ADK: variants seen among roughly 807,000 people sequenced by gnomAD.
ADK encodes the protein adenosine kinase, also known as N6,N6-dimethyladenosine kinase.
A neutral mutation model predicts 44.7 loss-of-function variants in ADK; 24 were observed. That is an observed-to-expected ratio of 0.54 (90% CI 0.39 to 0.76). The LOEUF is 0.76. Among genes scored for constraint, ADK ranks in the 30% least tolerant of loss-of-function variants. The pLI, the probability that ADK is intolerant of heterozygous loss-of-function variation, is 0.00. For missense variants in ADK, 321 were observed against 425.1 expected (o/e 0.76, Z 2.15); for synonymous variants, 128 against 142.6 (o/e 0.90, Z 0.73).
intron 4 of ADK, among the ~76,000 whole-genome samples, chr10:74,374,607 T>C (rs1842763943): frequency 1.3e-5 from 2 of 152,154 alleles, no homozygotes. Context: ...ATTATCTTTC[T>C]GAAATACAGA....
intron 3 of ADK, among the ~76,000 whole-genome samples, chr10:74,242,504 G>A (rs1208421437): frequency 8.3e-6 from 1 of 120,600 alleles, no homozygotes; most frequent in Non-Finnish European, 1.7e-5. Flanking sequence ...TAGGAAATAT[G>A]CAACCTTTTT....
chr10:74,651,109 G>T (rs1427118628), intron 9 of ADK, among the ~76,000 whole-genome samples: 1 of 152,162 alleles, frequency 6.6e-6, no homozygotes, highest in East Asian at 1.9e-4. Context: ...GGAAATGGAG[G>T]CATCAGCTAG....
chr10:74,224,489 T>C, intron 2 of ADK, 49 bp from the exon 3 acceptor site: 1 of 1,485,734 alleles, frequency 6.7e-7, no homozygotes, highest in Non-Finnish European at 9.4e-7. Context: ...CTAACTTACG[T>C]TGACACTGTG....
At chr10:74,205,225 T>C (rs911566451) in intron 2 of ADK, among the ~76,000 whole-genome samples, 2 of 152,118 alleles carry the variant, frequency 1.3e-5, no homozygotes, top group Middle Eastern at 3.2e-3. Context: ...TTAAGGTTGA[T>C]GTTTTCATTC....
At chr10:74,392,830 C>T (rs1843383057) in intron 4 of ADK, among the ~76,000 whole-genome samples, 1 of 151,880 alleles carries the variant, frequency 6.6e-6, no homozygotes, top group African/African-American at 2.4e-5. Flanking sequence ...AACAAAATAT[C>T]CTGGAAATTA....
At chr10:74,481,533 A>T (rs893930401) in intron 6 of ADK, among the ~76,000 whole-genome samples, 2 of 151,988 alleles carry the variant, frequency 1.3e-5, no homozygotes, top group Non-Finnish European at 2.9e-5. Flanking sequence ...GTGTTTCACC[A>T]TCTGTTAATA....
Position 74,394,259 on chromosome 10 carries a change from A to C in ADK, c.392A>C (p.Glu131Ala). ...AEAHVDAHYY[E>A]QNEQPTGTCA... Reference sequence around the variant, plus strand: ...GCCCATGTGGATGCTCATTACTACGAGCAGAATGAGCAGCCAACAGGAACT... The same window carrying C: ...GCCCATGTGGATGCTCATTACTACGCGCAGAATGAGCAGCCAACAGGAACT... Residue 131 changes from glutamate to alanine, a missense_variant, in exon 5 of 11, where the codon GAG (glutamate) becomes GCG (alanine). Glu to Ala is a moderately radical substitution (Grantham distance 107). Transcript: ENST00000539909. The C allele has an allele frequency of 6.2e-7, 1 of 1,614,066 alleles. No homozygotes were observed. Among genetic ancestry groups the C allele is most frequent in the Non-Finnish European group, 8.5e-7 (1 of 1,179,936 alleles).
chr10:74,391,063 G>A (rs139034316), intron 4 of ADK, among the ~76,000 whole-genome samples: 326 of 152,016 alleles, frequency 2.1e-3, no homozygotes, highest in Non-Finnish European at 2.9e-3. Flanking sequence ...CCTACAATAC[G>A]CACAAAATAG....
rs547712332 is a variant in ADK at position 74,467,413 on chromosome 10, A to C, written c.556-57843A>C. 3.3e-5 allele frequency among the ~76,000 whole-genome samples: 5 copies of C among 152,282 alleles called. No homozygotes were observed. The South Asian group carries it at 1.0e-3, about 32-fold the overall frequency. ...AAAGCCACCACATATGTTAACGTGA[A>C]GTTATAGATTATTTATATCTCCAGG... On this transcript the variant is annotated intron_variant, in intron 6 of 10. Transcript: ENST00000539909.
At chr10:74,676,474 A>T (rs925679063) in intron 10 of ADK, among the ~76,000 whole-genome samples, 2 of 151,874 alleles carry the variant, frequency 1.3e-5, no homozygotes, top group African/African-American at 4.8e-5. Flanking sequence ...GTGCTGACTC[A>T]TAATACTTTT....
intron 4 of ADK, among the ~76,000 whole-genome samples, chr10:74,357,796 A>G (rs115016576): frequency 0.013 from 1,943 of 152,320 alleles, 46 homozygotes; most frequent in African/African-American, 0.044. Flanking sequence ...TCTGTGATCA[A>G]TGAGCAGTCT....
intron 1 of ADK, among the ~76,000 whole-genome samples, chr10:74,174,829 T>C (rs1048405165): frequency 3.3e-5 from 5 of 152,256 alleles, no homozygotes; most frequent in Non-Finnish European, 7.3e-5. Context: ...GGCTTCATTC[T>C]GGATAGGCAT....
intron 9 of ADK, among the ~76,000 whole-genome samples, chr10:74,638,875 G>A (rs953856323): frequency 2.6e-5 from 4 of 152,048 alleles, no homozygotes; most frequent in Non-Finnish European, 5.9e-5. Context: ...CACAATTACA[G>A]CTCACTGCAA....
At chr10:74,482,855 G>A (rs1458376406) in intron 6 of ADK, among the ~76,000 whole-genome samples, 1 of 152,102 alleles carries the variant, frequency 6.6e-6, no homozygotes, top group Non-Finnish European at 1.5e-5. Flanking sequence ...GGCTCCCAAG[G>A]GCTTGGGCAG....
At chr10:74,319,007 G>A (rs1840723613) in intron 4 of ADK, among the ~76,000 whole-genome samples, 1 of 110,106 alleles carries the variant, frequency 9.1e-6, no homozygotes, top group South Asian at 2.6e-4. Flanking sequence ...ACTGTATTAC[G>A]TTTTACCACA....
At chr10:74,371,675 C>A in intron 4 of ADK, 1 of 1,068,280 alleles carries the variant, frequency 9.4e-7, no homozygotes, top group Non-Finnish European at 1.4e-6. Flanking sequence ...ATGGCATCCA[C>A]ATCGTAAATC....
chr10:74,508,706 A>C (rs528028061), intron 6 of ADK, among the ~76,000 whole-genome samples: 1 of 152,258 alleles, frequency 6.6e-6, no homozygotes, highest in Non-Finnish European at 1.5e-5. Flanking sequence ...TGACTTAGGC[A>C]TAGTTTCTCT....
chr10:74,302,601 G>A (rs1323879596), intron 3 of ADK, among the ~76,000 whole-genome samples: 2 of 151,922 alleles, frequency 1.3e-5, no homozygotes, highest in Admixed American at 6.6e-5. Context: ...AAAACCAGCC[G>A]GAGCAACTTG....
In ADK at chr10:74,608,993, T is replaced by G. The variant is rs147683417; in HGVS notation, c.877+8500T>G. Among the ~76,000 whole-genome samples the G allele has an allele frequency of 3.7e-3, 558 of 152,236 alleles. 3 individuals are homozygous for G. The highest frequency in any genetic ancestry group is 0.013 in the African/African-American group (521 of 41,562). On this transcript the variant is annotated intron_variant, in intron 9 of 10. Transcript: ENST00000539909. ...CAAGCTGCAGTGGGCTCCACCCAGT[T>G]CAAACTTTTTTTGCGAACTTTGTTT...
Sources: allele counts gnomAD v4.1 joint callset (sites outside exome capture counted in the v4.1 genomes callset), GRCh38; gene constraint gnomAD v4.1.1; transcripts MANE v1.5; gene names NCBI Gene and HGNC (gene_info 2026-07-23, HGNC 2026-07-21).